The following SMARCC1 variants were observed in gnomAD, a reference collection of about 807,000 sequenced individuals.
SMARCC1 encodes SWI/SNF complex subunit SMARCC1.
A neutral mutation model predicts 147.4 loss-of-function variants in SMARCC1; 43 were observed. The ratio of observed to expected loss-of-function variants is 0.29; its 90% CI spans 0.23 to 0.38. SMARCC1 has a LOEUF of 0.38. Ranked by LOEUF, SMARCC1 falls within the 10% of genes least tolerant of loss-of-function variation. SMARCC1 has a pLI of 1.00. For missense variants in SMARCC1, 1,119 were observed against 1,381.1 expected (o/e 0.81, Z 3.01); for synonymous variants, 495 against 484.4 (o/e 1.02, Z -0.29).
chr3:47,730,844 C>T (rs2034365552), intron 5 of SMARCC1, among the ~76,000 whole-genome samples: 1 of 143,122 alleles, frequency 7.0e-6, no homozygotes, highest in African/African-American at 2.6e-5. Flanking sequence ...CCAGCCTGGA[C>T]AACAAGAGCA....
chr3:47,758,348 T>C (rs1328170391), intron 2 of SMARCC1, among the ~76,000 whole-genome samples: 1 of 150,316 alleles, frequency 6.7e-6, no homozygotes. Flanking sequence ...TTTGAACTCC[T>C]GGGCTCAAGC....
intron 2 of SMARCC1, among the ~76,000 whole-genome samples, chr3:47,765,200 G>A (rs1406541321): frequency 2.6e-5 from 4 of 151,892 alleles, no homozygotes; most frequent in South Asian, 2.1e-4. Flanking sequence ...GCAGTAAGCC[G>A]AGATCGTGCC....
intron 20 of SMARCC1, 84 bp from the exon 21 acceptor site, chr3:47,661,539 C>G: frequency 9.0e-7 from 1 of 1,106,824 alleles, no homozygotes; most frequent in Non-Finnish European, 1.3e-6. Context: ...GGAAACCCAA[C>G]ACAGTATTAT....
In SMARCC1 at chr3:47,772,798, A is replaced by G. The variant is rs756039981; in HGVS notation, c.315+19T>C. ...CAGCAACTGAGGATGCCCAAATAAC[A>G]GTAAGCTGATGTACTTACAGGGAGT... On this transcript the variant is annotated intron_variant, in intron 2 of 27. Transcript: ENST00000254480. 2.2e-5 allele frequency: 36 copies of G among 1,603,576 alleles called. No homozygotes were observed. The highest frequency in any genetic ancestry group is 3.0e-5 in the Non-Finnish European group (35 of 1,173,266).
intron 1 of SMARCC1, among the ~76,000 whole-genome samples, chr3:47,779,527 T>C (rs1169494137): frequency 6.6e-6 from 1 of 152,184 alleles, no homozygotes; most frequent in Non-Finnish European, 1.5e-5. Flanking sequence ...CACTCTGGCT[T>C]TACAAAGTCC....
chr3:47,755,559 A>G (rs1283210845), intron 2 of SMARCC1, among the ~76,000 whole-genome samples: 2 of 151,462 alleles, frequency 1.3e-5, no homozygotes, highest in African/African-American at 4.9e-5. Flanking sequence ...AAGAATTATA[A>G]GTTTAAAATG....
chr3:47,673,615 G>C (rs937574421), intron 18 of SMARCC1, among the ~76,000 whole-genome samples: 2 of 152,180 alleles, frequency 1.3e-5, no homozygotes, highest in Non-Finnish European at 2.9e-5. Flanking sequence ...CTTGAACCGT[G>C]GAGGTGGAGG....
chr3:47,680,103 C>A (rs1313436083), intron 15 of SMARCC1: 1 of 224,528 alleles, frequency 4.5e-6, no homozygotes, highest in Non-Finnish European at 8.6e-6. Flanking sequence ...TGCCTGTAGT[C>A]CCAGCTACTT....
chr3:47,711,102 TA>T (rs2106798635), intron 8 of SMARCC1, among the ~76,000 whole-genome samples: 1 of 152,336 alleles, frequency 6.6e-6, no homozygotes, highest in East Asian at 1.9e-4. Context: ...AAATCACTGA[TA>T]AAAACATTCA....
At chr3:47,714,553 T>A in intron 7 of SMARCC1, 63 bp from the exon 8 acceptor site, 1 of 821,314 alleles carries the variant, frequency 1.2e-6, no homozygotes, top group Non-Finnish European at 2.0e-6. Context: ...AGAAAGACTT[T>A]TACAAATAAT....
At chr3:47,640,319 C>T (rs2033031945) in intron 21 of SMARCC1, among the ~76,000 whole-genome samples, 1 of 151,796 alleles carries the variant, frequency 6.6e-6, no homozygotes, top group Admixed American at 6.6e-5. Flanking sequence ...AACGTTGGTT[C>T]TTTCAAATGA....
At chr3:47,715,525 ACT>A (rs1335233196) in intron 7 of SMARCC1, among the ~76,000 whole-genome samples, 1 of 151,662 alleles carries the variant, frequency 6.6e-6, no homozygotes, top group African/African-American at 2.4e-5. Context: ...TTACCCCTCC[ACT>A]CTGCTCACTG....
chr3:47,746,480 C>T (rs2034564819), intron 2 of SMARCC1: 1 of 152,382 alleles, frequency 6.6e-6, no homozygotes, highest in African/African-American at 2.4e-5. Flanking sequence ...TGAAGTGAAA[C>T]TACTTTCTTG....
chr3:47,718,710 T>C (rs573052211), intron 7 of SMARCC1, among the ~76,000 whole-genome samples: 1 of 150,598 alleles, frequency 6.6e-6, no homozygotes, highest in South Asian at 2.1e-4. Context: ...AAAAATAAAA[T>C]AAAAAAATAA....
intron 12 of SMARCC1, among the ~76,000 whole-genome samples, chr3:47,692,405 G>A (rs1309403077): frequency 6.6e-6 from 1 of 152,174 alleles, no homozygotes; most frequent in African/African-American, 2.4e-5. Flanking sequence ...GGCTTACAAA[G>A]TATTAACACT....
intron 1 of SMARCC1, among the ~76,000 whole-genome samples, chr3:47,779,547 A>C (rs1245604365): frequency 6.6e-6 from 1 of 152,202 alleles, no homozygotes; most frequent in Non-Finnish European, 1.5e-5. Flanking sequence ...CTGAGAAGTC[A>C]AAGGTAACTT....
At chr3:47,774,467 G>A (rs1035234095) in intron 1 of SMARCC1, among the ~76,000 whole-genome samples, 1 of 151,910 alleles carries the variant, frequency 6.6e-6, no homozygotes, top group South Asian at 2.1e-4. Context: ...ACCCAGGCTG[G>A]AGCACAGTGG....
intron 5 of SMARCC1, among the ~76,000 whole-genome samples, chr3:47,730,128 G>A (rs1368095840): frequency 1.3e-5 from 2 of 152,024 alleles, no homozygotes; most frequent in African/African-American, 2.4e-5. Context: ...GCAGTGAGCC[G>A]AGATGGCACC....
intron 2 of SMARCC1, among the ~76,000 whole-genome samples, chr3:47,762,266 C>T (rs2034781983): frequency 6.6e-6 from 1 of 152,180 alleles, no homozygotes; most frequent in South Asian, 2.1e-4. Flanking sequence ...AACCAGTGAT[C>T]AAGTCCAACT....
Sources: allele counts gnomAD v4.1 joint callset (sites outside exome capture counted in the v4.1 genomes callset), GRCh38; gene constraint gnomAD v4.1.1; transcripts MANE v1.5; gene names NCBI Gene and HGNC (gene_info 2026-07-23, HGNC 2026-07-21).